Variants in CDH12 observed in about 807,000 individuals in gnomAD.
CDH12 encodes the protein cadherin 12, also known as cadherin-12.
A neutral mutation model predicts 74.1 loss-of-function variants in CDH12; 41 were observed. That is an observed-to-expected ratio of 0.55 (90% CI 0.43 to 0.72). The LOEUF (loss-of-function observed/expected upper bound fraction) is 0.72. CDH12 is among the 30% of genes least tolerant of loss of function. The pLI, the probability that CDH12 is intolerant of heterozygous loss-of-function variation, is 0.00. For synonymous variants in CDH12, 399 were observed against 355.0 expected (o/e 1.12, Z -1.39); for missense variants, 945 against 977.2 (o/e 0.97, Z 0.44).
intron 4 of CDH12, among the ~76,000 whole-genome samples, chr5:22,140,104 T>G (rs1472745402): frequency 6.6e-6 from 1 of 152,006 alleles, no homozygotes; most frequent in Non-Finnish European, 1.5e-5. Context: ...AGAAATCCCA[T>G]GTTAGTATCA....
intron 1 of CDH12, among the ~76,000 whole-genome samples, chr5:22,567,384 G>A (rs1580772074): frequency 6.6e-6 from 1 of 152,120 alleles, no homozygotes; most frequent in Admixed American, 6.5e-5. Flanking sequence ...CTGCTTTAAG[G>A]AAGCCTGAGG....
intron 4 of CDH12, among the ~76,000 whole-genome samples, chr5:22,132,358 A>G (rs1231569679): frequency 6.6e-6 from 1 of 152,042 alleles, no homozygotes; most frequent in East Asian, 1.9e-4. Flanking sequence ...GCTAGGAACT[A>G]GGGCAAATCC....
intron 3 of CDH12, among the ~76,000 whole-genome samples, chr5:22,239,138 C>T (rs546818808): frequency 6.6e-6 from 1 of 152,250 alleles, no homozygotes; most frequent in East Asian, 1.9e-4. Flanking sequence ...GGGCTGATGA[C>T]TGCATAGTTC....
At chr5:22,756,099 A>G (rs4256315) in intron 1 of CDH12, among the ~76,000 whole-genome samples, 614 of 53,024 alleles carry the variant, frequency 0.012, 3 homozygotes, top group African/African-American at 0.034. Flanking sequence ...TCAAGGACCG[A>G]AAAAAAAAAA....
At chr5:22,793,371 T>C (rs983049746) in intron 1 of CDH12, among the ~76,000 whole-genome samples, 5 of 152,236 alleles carry the variant, frequency 3.3e-5, no homozygotes, top group African/African-American at 1.2e-4. Context: ...CTTTTTGGCA[T>C]ACACATATGT....
chr5:22,760,541 T>C (rs1212399115), intron 1 of CDH12, among the ~76,000 whole-genome samples: 2 of 151,472 alleles, frequency 1.3e-5, no homozygotes, highest in African/African-American at 4.8e-5. Flanking sequence ...TAGCTGGGCA[T>C]GGTGGTGGCT....
At chr5:22,577,811 T>A (rs981968178) in intron 1 of CDH12, among the ~76,000 whole-genome samples, 4 of 152,216 alleles carry the variant, frequency 2.6e-5, no homozygotes, top group African/African-American at 9.6e-5. Context: ...AGAATGTAGC[T>A]GTGTGTATAA....
intron 12 of CDH12, among the ~76,000 whole-genome samples, chr5:21,763,666 T>A (rs986000548): frequency 9.9e-5 from 15 of 152,218 alleles, no homozygotes; most frequent in Non-Finnish European, 1.8e-4. Flanking sequence ...TTTTGTTTCA[T>A]GACATAATCT....
intron 3 of CDH12, among the ~76,000 whole-genome samples, chr5:22,259,722 T>A (rs1305093025): frequency 6.6e-6 from 1 of 151,984 alleles, no homozygotes. Context: ...ATTTAAGATA[T>A]GCAAAGGACT....
intron 1 of CDH12, among the ~76,000 whole-genome samples, chr5:22,703,197 G>T (rs960677314): frequency 6.6e-6 from 1 of 152,060 alleles, no homozygotes; most frequent in African/African-American, 2.4e-5. Context: ...AAGTCAAGGG[G>T]ATCTTTGTGC....
At chr5:22,229,926 C>T (rs1397588174) in intron 3 of CDH12, among the ~76,000 whole-genome samples, 1 of 151,858 alleles carries the variant, frequency 6.6e-6, no homozygotes, top group Non-Finnish European at 1.5e-5. Flanking sequence ...GTACTTGTTA[C>T]TTTTTTTATC....
intron 1 of CDH12, among the ~76,000 whole-genome samples, chr5:22,650,975 A>G (rs1739703811): frequency 6.6e-6 from 1 of 152,080 alleles, no homozygotes; most frequent in African/African-American, 2.4e-5. Flanking sequence ...TACTATTCCT[A>G]TTAATATTAG....
Position 22,000,264 on chromosome 5 carries a change from A to G in CDH12, c.232-24879T>C, listed in dbSNP as rs370818407. Among the ~76,000 whole-genome samples the G allele has an allele frequency of 4.6e-5, 7 of 152,108 alleles. No homozygotes were observed. The East Asian group carries it at 1.4e-3, about 29-fold the overall frequency. On this transcript the variant is annotated intron_variant, in intron 5 of 14. Coordinates refer to ENST00000382254, the MANE Select transcript of CDH12 (RefSeq NM_004061.5). ...GGTGTGAGCCACCACACTCAGCCCC[A>G]TGTGCTGTTTCTTATGCTTAATGTT...
chr5:21,898,656 C>A (rs10070281), intron 6 of CDH12, among the ~76,000 whole-genome samples: 1 of 151,732 alleles, frequency 6.6e-6, no homozygotes, highest in Non-Finnish European at 1.5e-5. Context: ...GAGCTGAGAT[C>A]GCGCCACTGC....
At chr5:22,079,505 T>C (rs1170842464) in intron 4 of CDH12, among the ~76,000 whole-genome samples, 4 of 152,142 alleles carry the variant, frequency 2.6e-5, no homozygotes, top group Non-Finnish European at 2.9e-5. Context: ...AATTATTAAA[T>C]GTAAAAGCGA....
chr5:22,543,642 A>AT (rs1738195765), intron 1 of CDH12, among the ~76,000 whole-genome samples: 1 of 152,154 alleles, frequency 6.6e-6, no homozygotes, highest in Non-Finnish European at 1.5e-5. Flanking sequence ...AGTAAAAAAA[A>AT]GGCACAGGCA....
At chr5:22,727,799 T>A (rs1246372532) in intron 1 of CDH12, among the ~76,000 whole-genome samples, 1 of 151,802 alleles carries the variant, frequency 6.6e-6, no homozygotes, top group Non-Finnish European at 1.5e-5. Flanking sequence ...TTGTTTCTTT[T>A]TTTGAAGTCA....
chr5:21,927,108 T>C (rs1276197829), intron 6 of CDH12, among the ~76,000 whole-genome samples: 1 of 152,142 alleles, frequency 6.6e-6, no homozygotes, highest in Non-Finnish European at 1.5e-5. Flanking sequence ...TACACTGTCG[T>C]AATGGCAGAT....
chr5:22,192,583 G>A (rs956237590), intron 4 of CDH12, among the ~76,000 whole-genome samples: 4 of 152,026 alleles, frequency 2.6e-5, no homozygotes, highest in African/African-American at 9.7e-5. Context: ...GCACCATTAG[G>A]GGTGTGTGTG....
Sources: allele counts gnomAD v4.1 joint callset (sites outside exome capture counted in the v4.1 genomes callset), GRCh38; gene constraint gnomAD v4.1.1; transcripts MANE v1.5; gene names NCBI Gene and HGNC (gene_info 2026-07-23, HGNC 2026-07-21).